MATN2: variants seen among roughly 807,000 people sequenced by gnomAD.
MATN2 encodes matrilin 2, also known as matrilin-2.
In MATN2, 69 loss-of-function variants were observed where a neutral mutation model predicts 103.2. That is an observed-to-expected ratio of 0.67 (90% CI 0.55 to 0.82). MATN2 has a LOEUF of 0.82. MATN2 is among the 40% of genes least tolerant of loss of function. MATN2 has a pLI of 0.00. For synonymous variants in MATN2, 429 were observed against 450.2 expected, an observed-to-expected ratio of 0.95 and a Z score of 0.60; for missense variants, 1,023 against 1,211.5, an observed-to-expected ratio of 0.84 and a Z score of 2.31.
At chr8:98,032,117 A>G in intron 15 of MATN2, 129 bp from the exon 16 acceptor site, 1 of 671,996 alleles carries the variant, frequency 1.5e-6, no homozygotes, top group Non-Finnish European at 2.6e-6. Context: ...CTTTGGTGTT[A>G]CCAAACAAAA....
intron 4 of MATN2, among the ~76,000 whole-genome samples, chr8:97,960,697 G>T (rs1038524515): frequency 6.6e-6 from 1 of 152,196 alleles, no homozygotes. Context: ...CACAAAGAGG[G>T]TTTTCAAAGA....
rs895397437 is a variant in MATN2, at chr8:97,972,399, A to G, written c.959-6487A>G. On this transcript the variant is annotated intron_variant, in intron 5 of 18. Transcript: ENST00000254898. ...ATTTTCTCTGGGTTTTAAATCCTGCATTTGGAATTCCAGTTATGCCTTGGA... is the reference window on the plus strand; with the variant it reads ...ATTTTCTCTGGGTTTTAAATCCTGCGTTTGGAATTCCAGTTATGCCTTGGA... Among the ~76,000 whole-genome samples the G allele has an allele frequency of 3.3e-5, 5 of 151,928 alleles. No homozygotes were observed. The East Asian group carries it at 9.7e-4, about 29-fold the overall frequency.
intron 2 of MATN2, among the ~76,000 whole-genome samples, chr8:97,893,561 CTTATTTAT>C (rs57936657): frequency 3.3e-4 from 32 of 95,754 alleles, no homozygotes; most frequent in South Asian, 1.3e-3. Context: ...CCAGAGTATT[CTTATTTAT>C]TTATTTATTT....
intron 13 of MATN2, chr8:98,024,776 C>A (rs891207801): frequency 6.6e-6 from 1 of 152,204 alleles, no homozygotes; most frequent in Non-Finnish European, 1.5e-5. Flanking sequence ...AGTCACAGCT[C>A]CATTCCAGTC....
At chr8:97,915,058 C>T (rs1809574501) in intron 2 of MATN2, among the ~76,000 whole-genome samples, 1 of 152,086 alleles carries the variant, frequency 6.6e-6, no homozygotes, top group African/African-American at 2.4e-5. Flanking sequence ...GTAATCATAG[C>T]TCACGGCAAC....
intron 5 of MATN2, among the ~76,000 whole-genome samples, chr8:97,973,571 CTTTTTT>C (rs10546662): frequency 8.4e-6 from 1 of 118,726 alleles, no homozygotes. Flanking sequence ...ATTTACAAAT[CTTTTTT>C]TTTTTTTTTT....
rs184268275 is a variant in MATN2 at position 98,018,550 on chromosome 8, A to T, written c.1819+434A>T. Among the ~76,000 whole-genome samples, 40 of 152,326 alleles carry T rather than the reference A, an allele frequency of 2.6e-4. 1 individual carries two copies. The East Asian group carries it at 7.5e-3, about 29-fold the overall frequency. ...GTCCATTTTCACACTGCCGATAAAG[A>T]CATACCCGAGACTGGGCAATTTACA... On this transcript the variant is annotated intron_variant, in intron 12 of 18. Transcript: ENST00000254898.
chr8:98,012,032 A>C (rs536123133), intron 10 of MATN2, among the ~76,000 whole-genome samples: 1 of 152,296 alleles, frequency 6.6e-6, no homozygotes, highest in South Asian at 2.1e-4. Flanking sequence ...CTTTGAGAGG[A>C]AAAATGTTTT....
chr8:97,908,171 C>T (rs540871781), intron 2 of MATN2, among the ~76,000 whole-genome samples: 2 of 152,154 alleles, frequency 1.3e-5, no homozygotes, highest in African/African-American at 2.4e-5. Flanking sequence ...GCAGGAGAAT[C>T]GCTTGAACCC....
At chr8:97,952,916 AT>A (rs71570276) in intron 4 of MATN2, among the ~76,000 whole-genome samples, 3,088 of 96,030 alleles carry the variant, frequency 0.032, 23 homozygotes, top group Middle Eastern at 0.042. Context: ...GTTTGTAGGG[AT>A]TTTTTTTTTT....
At chr8:97,966,956 C>T (rs1242338661) in intron 5 of MATN2, among the ~76,000 whole-genome samples, 1 of 152,160 alleles carries the variant, frequency 6.6e-6, no homozygotes, top group African/African-American at 2.4e-5. Flanking sequence ...AAGCATGACA[C>T]CAGCATCTGC....
At chr8:97,886,849 C>T (rs751190077) in intron 1 of MATN2, among the ~76,000 whole-genome samples, 17 of 151,664 alleles carry the variant, frequency 1.1e-4, no homozygotes, top group Non-Finnish European at 8.8e-5. Flanking sequence ...CAGTTTTCTA[C>T]TAATCAATGC....
At chr8:97,884,020 A>G (rs989984537) in intron 1 of MATN2, among the ~76,000 whole-genome samples, 10 of 152,212 alleles carry the variant, frequency 6.6e-5, no homozygotes, top group East Asian at 1.9e-4. Flanking sequence ...GTATTTAACA[A>G]TTATGGGTTT....
chr8:97,933,490 C>T (rs1279984641), intron 3 of MATN2, among the ~76,000 whole-genome samples: 3 of 152,062 alleles, frequency 2.0e-5, no homozygotes, highest in Non-Finnish European at 4.4e-5. Context: ...CATGATAAGG[C>T]TGAGGAGCTA....
rs1405412549 is a variant in MATN2, at chr8:98,007,350, A to G, written c.1450+123A>G. 2 of 1,551,884 alleles carry G rather than the reference A, an allele frequency of 1.3e-6. No individual in the cohort carries two copies. Among genetic ancestry groups the G allele is most frequent in the African/African-American group, 1.4e-5 (1 of 73,936 alleles). ...CCTGCCCCTTGCTCTGCTCCAGGAG[A>G]TAGTGAGGATGTCCACTGGGACTGC... is the stretch of plus-strand genomic sequence containing the variant. On this transcript the variant is annotated intron_variant, in intron 9 of 18. Coordinates refer to ENST00000254898, the MANE Select transcript of MATN2 (RefSeq NM_002380.5). This position sits in a 1 kb window ranked among gnomAD's most constrained non-coding sequence, Gnocchi z 4.2.
intron 3 of MATN2, among the ~76,000 whole-genome samples, chr8:97,939,991 A>G (rs1404028030): frequency 6.6e-6 from 1 of 152,236 alleles, no homozygotes; most frequent in East Asian, 1.9e-4. Context: ...AAATGCCACC[A>G]TAATTCTCCT....
intron 2 of MATN2, among the ~76,000 whole-genome samples, chr8:97,897,606 C>A (rs1042450490): frequency 6.6e-6 from 1 of 152,162 alleles, no homozygotes; most frequent in African/African-American, 2.4e-5. Flanking sequence ...AATATAGCAA[C>A]GTTTGTTTTA....
chr8:98,007,431 G>A lies in MATN2; in HGVS notation c.1451-48G>A, dbSNP rs768447883. ...ACGGTCACTTGATCCAATCACTGTC[G>A]CCCAGAGGTCTCACTGATAAAGGGC... On this transcript the variant is annotated intron_variant, in intron 9 of 18. Transcript: ENST00000254898. The surrounding 1 kb of genome is among the most constrained non-coding windows in gnomAD (Gnocchi z 4.2). The A allele has an allele frequency of 1.8e-5, 28 of 1,593,298 alleles. No individual in the cohort carries two copies. Among genetic ancestry groups the A allele is most frequent in the South Asian group, 4.5e-5 (4 of 89,736 alleles).
intron 3 of MATN2, among the ~76,000 whole-genome samples, chr8:97,933,766 A>C (rs1810280561): frequency 6.6e-6 from 1 of 152,144 alleles, no homozygotes; most frequent in Admixed American, 6.6e-5. Context: ...TGCAGGAGAC[A>C]GGGCTGCTGT....
Sources: allele counts gnomAD v4.1 joint callset (sites outside exome capture counted in the v4.1 genomes callset), GRCh38; gene constraint gnomAD v4.1.1; non-coding constraint Gnocchi (gnomAD v3.1); transcripts MANE v1.5; gene names NCBI Gene and HGNC (gene_info 2026-07-23, HGNC 2026-07-21).